The following NDC80 variants were observed in gnomAD, a reference collection of about 807,000 sequenced individuals.
NDC80 encodes kinetochore protein NDC80 homolog.
NDC80 carries 69 observed loss-of-function variants against 89.3 expected under a neutral mutation model. The observed-to-expected ratio is 0.77, with a 90% CI of 0.64 to 0.94. The LOEUF (loss-of-function observed/expected upper bound fraction) is 0.94, where lower values mean the gene tolerates loss of function less well. NDC80 is among the 40% of genes least tolerant of loss of function. NDC80 has a pLI of 0.00. For synonymous variants in NDC80, 243 were observed against 255.6 expected (o/e 0.95, Z 0.47); for missense variants, 593 against 739.6 (o/e 0.80, Z 2.30).
At chr18:2,588,316 A>G (rs939590991) in intron 8 of NDC80, among the ~76,000 whole-genome samples, 3 of 152,220 alleles carry the variant, frequency 2.0e-5, no homozygotes, top group South Asian at 4.1e-4. Context: ...TATTTGAGAA[A>G]TTAAAGCACC....
At chr18:2,614,564 GGAAAGAAAGAAAGAAAGAAAGAAAGAAA>G (rs1182756541) in intron 16 of NDC80, 1 of 4,090 alleles carries the variant, frequency 2.4e-4, no homozygotes, top group Non-Finnish European at 4.5e-4. Context: ...AGGAAGGAAG[GGAAAGAAAGAAAGAAAGAAAGAAAGAAA>G]GAAAGAAAGA....
At chr18:2,611,407 G>A (rs1358434787) in intron 16 of NDC80, among the ~76,000 whole-genome samples, 5 of 152,146 alleles carry the variant, frequency 3.3e-5, no homozygotes, top group African/African-American at 1.2e-4. Context: ...ATGATGTTAT[G>A]TATTACACCA....
At chr18:2,601,170 T>G (rs999387623) in intron 12 of NDC80, among the ~76,000 whole-genome samples, 45 of 152,236 alleles carry the variant, frequency 3.0e-4, no homozygotes, top group African/African-American at 1.1e-3. Context: ...TGAGCAAATC[T>G]TGAATTTTGC....
intron 13 of NDC80, among the ~76,000 whole-genome samples, chr18:2,603,378 T>TATATATATATATATATATATATATAC (rs1491296244): frequency 7.0e-6 from 1 of 143,494 alleles, no homozygotes; most frequent in Admixed American, 6.9e-5. Context: ...TATATATATA[T>TATATATATATATATATATATATATAC]ACACCTATGT....
At chr18:2,591,175 C>G (rs977274660) in intron 10 of NDC80, among the ~76,000 whole-genome samples, 1 of 152,090 alleles carries the variant, frequency 6.6e-6, no homozygotes, top group Non-Finnish European at 1.5e-5. Context: ...CTACAGTTCT[C>G]GGGGAAAAGA....
chr18:2,607,898 A>C (rs1343968897), intron 14 of NDC80, among the ~76,000 whole-genome samples: 2 of 146,678 alleles, frequency 1.4e-5, no homozygotes, highest in Non-Finnish European at 3.0e-5. Flanking sequence ...GATATCATGG[A>C]TATCTTTTCA....
intron 3 of NDC80, chr18:2,577,494 A>C (rs532157585): frequency 2.9e-6 from 1 of 342,444 alleles, no homozygotes; most frequent in Non-Finnish European, 5.6e-6. Context: ...GATTACAGGC[A>C]TGAGCCACTG....
rs60668754 is a variant in NDC80 at position 2,595,229 on chromosome 18, T to TTATATATATATA, written c.1016-185_1016-174dup. 4.8e-4 allele frequency among the ~76,000 whole-genome samples: 71 copies of TTATATATATATA among 146,598 alleles called. 1 individual carries two copies. In the East Asian group the frequency reaches 4.9e-3, roughly 10 times the overall value. ...ATATGTATATATATGACTTTGAAAT[T>TTATATATATATA]TATATATATATATGAGACTTGGAAA... On this transcript the variant is annotated intron_variant, in intron 10 of 16. Transcript: ENST00000261597.
At chr18:2,582,927 G>GT (rs2072585534) in intron 6 of NDC80, 1 of 152,156 alleles carries the variant, frequency 6.6e-6, no homozygotes, top group Non-Finnish European at 1.5e-5. Flanking sequence ...TTTAGCTAAA[G>GT]TTACTAAGTC....
In NDC80 at chr18:2,607,997, AT is replaced by A. The variant is rs1398182910; in HGVS notation, c.1558-702del. Among the ~76,000 whole-genome samples, 535 of 133,282 alleles carry A rather than the reference AT, an allele frequency of 4.0e-3. 6 individuals are homozygous for A. Among genetic ancestry groups the A allele is most frequent in the South Asian group, 0.023 (99 of 4,226 alleles). 87.4% of individuals were successfully genotyped at this position (133,282 alleles called of 152,430 possible). On this transcript the variant is annotated intron_variant, in intron 14 of 16. Coordinates refer to ENST00000261597, the MANE Select transcript of NDC80 (RefSeq NM_006101.3). ...TATATATATATATATATATATATAT[AT>A]AACTTATTTAGCTAGCCCCTTATTA...
At chr18:2,588,237 A>T (rs1332286640) in intron 8 of NDC80, among the ~76,000 whole-genome samples, 1 of 152,160 alleles carries the variant, frequency 6.6e-6, no homozygotes, top group Non-Finnish European at 1.5e-5. Context: ...ATGCTACCAG[A>T]AGCATAGACA....
chr18:2,604,916 G>A (rs1347005668), intron 13 of NDC80, among the ~76,000 whole-genome samples: 2 of 151,900 alleles, frequency 1.3e-5, no homozygotes, highest in African/African-American at 2.4e-5. Context: ...ATAGATGAGA[G>A]GTGCATGAGA....
intron 11 of NDC80, among the ~76,000 whole-genome samples, chr18:2,598,588 A>G (rs984362864): frequency 1.3e-5 from 2 of 152,242 alleles, no homozygotes; most frequent in Admixed American, 6.5e-5. Context: ...TACAGTTAAA[A>G]TAACATTTTC....
chr18:2,599,196 G>T, intron 12 of NDC80, 25 bp downstream of exon 12: 1 of 1,581,172 alleles, frequency 6.3e-7, no homozygotes, highest in Admixed American at 1.8e-5. Context: ...CTACTTTTAA[G>T]ATTTTTTTAA....
intron 13 of NDC80, among the ~76,000 whole-genome samples, chr18:2,603,671 T>G (rs558764152): frequency 1.3e-5 from 2 of 152,136 alleles, no homozygotes; most frequent in Admixed American, 6.5e-5. Context: ...TGGTGGAAAT[T>G]TATTTGAATT....
intron 14 of NDC80, among the ~76,000 whole-genome samples, chr18:2,608,171 A>T (rs955555867): frequency 1.3e-5 from 2 of 150,090 alleles, no homozygotes; most frequent in Non-Finnish European, 3.0e-5. Context: ...ATATATTTTA[A>T]ATTTTAATAA....
intron 11 of NDC80, among the ~76,000 whole-genome samples, chr18:2,597,957 G>A (rs992304417): frequency 6.6e-6 from 1 of 152,146 alleles, no homozygotes; most frequent in Non-Finnish European, 1.5e-5. Flanking sequence ...GTGAAAATAG[G>A]TAATAGGCTG....
chr18:2,614,461 A>AGAAAGAC (rs1568015608), intron 16 of NDC80: 2 of 7,076 alleles, frequency 2.8e-4, no homozygotes, highest in East Asian at 0.028. Flanking sequence ...GAAAGAAAGA[A>AGAAAGAC]AGAAAGAAAG....
intron 2 of NDC80, among the ~76,000 whole-genome samples, chr18:2,573,419 T>A (rs2072529880): frequency 6.6e-6 from 1 of 152,170 alleles, no homozygotes; most frequent in Non-Finnish European, 1.5e-5. Flanking sequence ...TAACTTAGAG[T>A]TCACTGAGAT....
Sources: allele counts gnomAD v4.1 joint callset (sites outside exome capture counted in the v4.1 genomes callset), GRCh38; gene constraint gnomAD v4.1.1; transcripts MANE v1.5; gene names NCBI Gene and HGNC (gene_info 2026-07-23, HGNC 2026-07-21).